Variants in ARHGEF18 observed in about 807,000 individuals in gnomAD.
ARHGEF18 encodes the protein Rho/Rac guanine nucleotide exchange factor 18.
A neutral mutation model predicts 155.7 loss-of-function variants in ARHGEF18; 93 were observed. The ratio of observed to expected loss-of-function variants is 0.60; its 90% confidence interval spans 0.50 to 0.71. The LOEUF is 0.71. Ranked by LOEUF, ARHGEF18 falls within the 30% of genes least tolerant of loss-of-function variation. The pLI, the probability that ARHGEF18 is intolerant of heterozygous loss-of-function variation, is 0.00. For synonymous variants in ARHGEF18, 742 were observed against 753.1 expected (o/e 0.99, Z 0.24); for missense variants, 1,593 against 1,816.1 (o/e 0.88, Z 2.23).
intron 15 of ARHGEF18, among the ~76,000 whole-genome samples, 179 bp from the exon 16 acceptor site, chr19:7,450,970 G>A (rs530009613): frequency 0.018 from 696 of 38,348 alleles, no homozygotes; most frequent in Middle Eastern, 0.058. Flanking sequence ...CTTGCTGTCC[G>A]TTTCCGAGAT....
chr19:7,389,193 C>T (rs1349440826), intron 10 of ARHGEF18, among the ~76,000 whole-genome samples: 1 of 151,578 alleles, frequency 6.6e-6, no homozygotes, highest in Non-Finnish European at 1.5e-5. Flanking sequence ...CTCTGTTGCC[C>T]AGGCTGGGGT....
chr19:7,364,242 T>C (rs1969775230), intron 2 of ARHGEF18, among the ~76,000 whole-genome samples: 1 of 148,094 alleles, frequency 6.8e-6, no homozygotes, highest in Admixed American at 6.7e-5. Context: ...GATGGATGGA[T>C]GGGTTGATGG....
chr19:7,434,656 G>A (rs1273845663), intron 10 of ARHGEF18, among the ~76,000 whole-genome samples: 1 of 152,182 alleles, frequency 6.6e-6, no homozygotes, highest in Non-Finnish European at 1.5e-5. Context: ...CGTAGCAGGA[G>A]ATAAATATGT....
At position 7,451,523 on chromosome 19, in the gene ARHGEF18, A is replaced by C. The variant is rs563010062; in HGVS notation, c.1855+257A>C. 2.7e-5 allele frequency among the ~76,000 whole-genome samples: 4 copies of C among 147,450 alleles called. No individual in the cohort carries two copies. In the East Asian group the frequency reaches 8.0e-4, roughly 29 times the overall value. ...ACTCTGGGGCTCAAGTGGTCCTTCT[A>C]CCTCAGCCTCCCAAGCACCTGGGAC... On this transcript the variant is annotated intron_variant, in intron 16 of 28. Transcript: ENST00000668164.
At chr19:7,392,862 T>C (rs959862285) in intron 10 of ARHGEF18, among the ~76,000 whole-genome samples, 1 of 151,614 alleles carries the variant, frequency 6.6e-6, no homozygotes, top group Non-Finnish European at 1.5e-5. Flanking sequence ...GAGACCAATC[T>C]AGGCAACATG....
chr19:7,458,867 G>A (rs1976016848), intron 19 of ARHGEF18, among the ~76,000 whole-genome samples, 177 bp downstream of exon 19: 1 of 152,330 alleles, frequency 6.6e-6, no homozygotes, highest in East Asian at 1.9e-4. Context: ...GAGGCCAACG[G>A]GCCCAGAAAG....
Position 7,444,209 on chromosome 19 carries a change from A to T in ARHGEF18, c.1366A>T (p.Met456Leu), listed in dbSNP as rs753576425. Residue 456 changes from methionine (M) to leucine (L), a missense_variant, in exon 14 of 29, where the codon ATG (methionine) becomes TTG (leucine). Met to Leu is a conservative substitution (Grantham distance 15). Transcript: ENST00000668164. The surrounding 1 kb of genome is among the most constrained non-coding windows in gnomAD (Gnocchi z 4.7). ...VKRQDVLYEL[M>L]QTEVHHVRTL... ...TGCCGTCTGTGTCCCTGCAGAGCTG[A>T]TGCAGACAGAGGTGCACCACGTGCG... 12 of 1,612,762 alleles carry T rather than the reference A, an allele frequency of 7.4e-6. No homozygotes were observed. The highest frequency in any genetic ancestry group is 1.0e-5 in the Non-Finnish European group (12 of 1,179,654).
At chr19:7,391,927 G>A (rs182773198) in intron 10 of ARHGEF18, among the ~76,000 whole-genome samples, 10 of 151,984 alleles carry the variant, frequency 6.6e-5, no homozygotes, top group South Asian at 4.2e-4. Context: ...AGCTCCTAGC[G>A]CCCCTGGTCC....
intron 1 of ARHGEF18, among the ~76,000 whole-genome samples, chr19:7,358,215 TTCCA>T (rs151337455): frequency 6.3e-5 from 9 of 142,854 alleles, no homozygotes; most frequent in African/African-American, 2.1e-4. Context: ...CCATCCATCC[TTCCA>T]TCCATCCATC....
Position 7,451,294 on chromosome 19 carries a change from G to A in ARHGEF18, c.1855+28G>A, listed in dbSNP as rs199986371. The A allele has an allele frequency of 1.1e-4, 183 of 1,597,436 alleles. 1 individual carries two copies. The highest frequency in any genetic ancestry group is 6.0e-4 in the African/African-American group (45 of 74,662). On this transcript the variant is annotated intron_variant, in intron 16 of 28. Coordinates refer to ENST00000668164, the MANE Select transcript of ARHGEF18 (RefSeq NM_001367823.1). Reference sequence around the variant, plus strand: ...AGGCCTTCTCCCCACTGCCCCGCCCGCCCGTGCTGCTGCAGCACAGGGCTC... The same window carrying A: ...AGGCCTTCTCCCCACTGCCCCGCCCACCCGTGCTGCTGCAGCACAGGGCTC...
At position 7,363,160 on chromosome 19, in the gene ARHGEF18, C is replaced by A. The variant is rs1600187545; in HGVS notation, c.15+255C>A. Among the ~76,000 whole-genome samples the A allele has an allele frequency of 4.0e-5, 6 of 150,538 alleles. No individual in the cohort carries two copies. The South Asian group carries it at 1.3e-3, about 32-fold the overall frequency. ...GATAGATGGATGGGTGGGTGGGTGTCTGGATAGATGGATGGATAGATGGAA... is the reference window on the plus strand; with the variant it reads ...GATAGATGGATGGGTGGGTGGGTGTATGGATAGATGGATGGATAGATGGAA... On this transcript the variant is annotated intron_variant, in intron 2 of 28. Coordinates refer to ENST00000668164, the MANE Select transcript of ARHGEF18 (RefSeq NM_001367823.1).
intron 10 of ARHGEF18, among the ~76,000 whole-genome samples, chr19:7,423,693 A>G (rs1973491255): frequency 6.6e-6 from 1 of 150,498 alleles, no homozygotes; most frequent in Admixed American, 6.7e-5. Flanking sequence ...TGACAGGGCG[A>G]GAGACTCTAT....
intron 19 of ARHGEF18, among the ~76,000 whole-genome samples, 177 bp from the exon 20 acceptor site, chr19:7,459,726 C>T (rs750804813): frequency 3.9e-5 from 6 of 152,184 alleles, no homozygotes; most frequent in African/African-American, 9.7e-5. Context: ...CGCTTTGGGG[C>T]GGGATGAATG....
downstream of ARHGEF18, among the ~76,000 whole-genome samples, chr19:7,475,181 G>A (rs912263199): frequency 9.2e-5 from 14 of 152,232 alleles, no homozygotes; most frequent in Non-Finnish European, 1.9e-4. Context: ...GCAGTGAGCC[G>A]AGATCGCGCC....
intron 10 of ARHGEF18, among the ~76,000 whole-genome samples, chr19:7,393,884 T>A (rs543522943): frequency 4.0e-5 from 6 of 150,190 alleles, no homozygotes; most frequent in Admixed American, 6.7e-5. Context: ...CTGTTTTGGG[T>A]ATCTGATGGC....
intron 10 of ARHGEF18, among the ~76,000 whole-genome samples, chr19:7,393,338 T>C (rs1377499099): frequency 6.6e-6 from 1 of 152,156 alleles, no homozygotes; most frequent in African/African-American, 2.4e-5. Flanking sequence ...CTCAACAACA[T>C]ATTGTGCATG....
At chr19:7,397,266 AT>A (rs1012014562) in intron 10 of ARHGEF18, among the ~76,000 whole-genome samples, 11 of 150,340 alleles carry the variant, frequency 7.3e-5, no homozygotes, top group East Asian at 3.9e-4. Context: ...TTTACTTAAA[AT>A]TTTTTTTTTC....
chr19:7,398,704 A>ATAAAGAAAGAAAG (rs1555708477), intron 10 of ARHGEF18, among the ~76,000 whole-genome samples: 2 of 147,166 alleles, frequency 1.4e-5, no homozygotes, highest in African/African-American at 5.3e-5. Flanking sequence ...AAAAAAAAAA[A>ATAAAGAAAGAAAG]AAATAAAGAA....
chr19:7,435,047 C>A (rs542630281), intron 10 of ARHGEF18, among the ~76,000 whole-genome samples: 400 of 152,242 alleles, frequency 2.6e-3, no homozygotes, highest in Non-Finnish European at 3.8e-3. Flanking sequence ...ACTAAAAATA[C>A]AAAAATTAGC....
Sources: allele counts gnomAD v4.1 joint callset (sites outside exome capture counted in the v4.1 genomes callset), GRCh38; gene constraint gnomAD v4.1.1; non-coding constraint Gnocchi (gnomAD v3.1); transcripts MANE v1.5; gene names NCBI Gene and HGNC (gene_info 2026-07-23, HGNC 2026-07-21).